PYGL: variants seen among roughly 807,000 people sequenced by gnomAD.
PYGL encodes the protein glycogen phosphorylase L.
PYGL carries 90 observed loss-of-function variants against 100.1 expected under a neutral mutation model. That is an observed-to-expected ratio of 0.90 (90% CI 0.76 to 1.07). PYGL has a LOEUF of 1.07. PYGL is among the 50% of genes least tolerant of loss of function. The pLI, the probability that PYGL is intolerant of heterozygous loss-of-function variation, is 0.00. For synonymous variants in PYGL, 373 were observed against 393.0 expected, an observed-to-expected ratio of 0.95 and a Z score of 0.60; for missense variants, 1,016 against 1,057.6, an observed-to-expected ratio of 0.96 and a Z score of 0.55.
In PYGL at chr14:50,922,875, A is replaced by G. The variant is rs530093491; in HGVS notation, c.660+1094T>C. 2.0e-5 allele frequency among the ~76,000 whole-genome samples: 3 copies of G among 152,144 alleles called. No homozygotes were observed. The South Asian group carries it at 6.2e-4, about 32-fold the overall frequency. On this transcript the variant is annotated intron_variant, in intron 5 of 19. Transcript: ENST00000216392. ...CTTTGTCTTTCATAGGCATCCCCCA[A>G]TATGTCACTTGCACTTCTCATTCTC...
At chr14:50,910,842 T>A (rs2050389079) in intron 16 of PYGL, among the ~76,000 whole-genome samples, 1 of 152,222 alleles carries the variant, frequency 6.6e-6, no homozygotes, top group African/African-American at 2.4e-5. Context: ...GCTAGACATC[T>A]AGCCTCTGAC....
At chr14:50,929,186 A>T (rs2050581433) in intron 4 of PYGL, among the ~76,000 whole-genome samples, 1 of 152,092 alleles carries the variant, frequency 6.6e-6, no homozygotes, top group South Asian at 2.1e-4. Context: ...AGTAGCTGGG[A>T]TTACATGCAC....
chr14:50,937,737 T>C lies in PYGL; in HGVS notation c.344A>G (p.Gln115Arg), dbSNP rs2050666856. 2 of 1,609,632 alleles carry C rather than the reference T, an allele frequency of 1.2e-6. No homozygotes were observed. Among genetic ancestry groups the C allele is most frequent in the East Asian group, 4.5e-5 (2 of 44,858 alleles). ...LQNACDEAIY[Q>R]LGLDIEELEE... ...GAGAGAAATCTAGGAACAATGTACCTGGTAAATGGCCTCATCACAGGCATT... is the reference window on the plus strand; with the variant it reads ...GAGAGAAATCTAGGAACAATGTACCCGGTAAATGGCCTCATCACAGGCATT... The change falls in exon 2 of 20, where the codon CAG becomes CGG. Residue 115 changes from glutamine to arginine, a missense_variant and splice_region_variant. Transcript: ENST00000216392.
intron 16 of PYGL, among the ~76,000 whole-genome samples, chr14:50,910,868 G>A (rs1380319952): frequency 6.6e-6 from 1 of 152,188 alleles, no homozygotes; most frequent in African/African-American, 2.4e-5. Flanking sequence ...AGGCTGATTT[G>A]CACGCAAATT....
Position 50,910,022 on chromosome 14 carries a change from G to T in PYGL, c.2050C>A (p.Leu684Ile). 2 of 1,614,152 alleles carry T rather than the reference G, an allele frequency of 1.2e-6. No individual in the cohort carries two copies. The highest frequency in any genetic ancestry group is 1.7e-6 in the Non-Finnish European group (2 of 1,179,998). The change falls in exon 17 of 20, where the codon CTA (leucine) becomes ATA (isoleucine). Residue 684 changes from leucine (L) to isoleucine (I), a missense_variant. Transcript: ENST00000216392. ...ASGTGNMKFMLNGALTIGTMD... is the reference protein window; with the variant it reads ...ASGTGNMKFMINGALTIGTMD... ...GTCCCGATAGTTAGGGCCCCATTTA[G>T]CATGAACTTCATATTGCCTGTCCCC...
rs1308256183 is a variant in PYGL at position 50,916,942 on chromosome 14, T to A, written c.999+20A>T. The A allele has an allele frequency of 6.2e-7, 1 of 1,613,378 alleles. No homozygotes were observed. Among genetic ancestry groups the A allele is most frequent in the African/African-American group, 1.3e-5 (1 of 75,012 alleles). On this transcript the variant is annotated intron_variant, in intron 8 of 19. Coordinates refer to ENST00000216392, the MANE Select transcript of PYGL (RefSeq NM_002863.5). The stretch of plus-strand genomic sequence containing the variant: ...AATCCCTCAGTGGACCCTAACTGCA[T>A]CCACAGACTAAATACTTGCCTGATC...
At chr14:50,913,857 C>G (rs1194182930) in intron 12 of PYGL, among the ~76,000 whole-genome samples, 1 of 151,732 alleles carries the variant, frequency 6.6e-6, no homozygotes, top group East Asian at 1.9e-4. Context: ...CCTGGCTAAT[C>G]TTTTTATTTT....
chr14:50,928,803 G>T (rs2139188087), intron 4 of PYGL, among the ~76,000 whole-genome samples: 1 of 152,192 alleles, frequency 6.6e-6, no homozygotes, highest in Non-Finnish European at 1.5e-5. Context: ...TGTTGAGTGG[G>T]GGCATGACTA....
At chr14:50,917,253 T>C in intron 7 of PYGL, 148 bp from the exon 8 acceptor site, 1 of 889,152 alleles carries the variant, frequency 1.1e-6, no homozygotes, top group Non-Finnish European at 1.8e-6. Flanking sequence ...CTGTGAGCCT[T>C]TGCTCTTTCC....
chr14:50,917,670 AACC>A (rs144951156), intron 7 of PYGL, among the ~76,000 whole-genome samples: 7,532 of 152,280 alleles, frequency 0.049, 334 homozygotes, highest in Admixed American at 0.11. Context: ...CCGTGTGGAG[AACC>A]ACAACTAGCT....
At chr14:50,916,191 C>G (rs755294018) in intron 9 of PYGL, among the ~76,000 whole-genome samples, 1 of 152,222 alleles carries the variant, frequency 6.6e-6, no homozygotes, top group Non-Finnish European at 1.5e-5. Context: ...AAACTTAAGA[C>G]AGCATTCTGA....
At chr14:50,931,095 T>TA (rs918342808) in intron 4 of PYGL, among the ~76,000 whole-genome samples, 6 of 151,716 alleles carry the variant, frequency 4.0e-5, no homozygotes, top group African/African-American at 1.5e-4. Context: ...TTTCATCTTA[T>TA]AAAAAAATCA....
chr14:50,938,274 A>C (rs2050673094), intron 1 of PYGL, among the ~76,000 whole-genome samples: 3 of 152,220 alleles, frequency 2.0e-5, no homozygotes, highest in Admixed American at 2.0e-4. Flanking sequence ...GCAATGGTCC[A>C]ATATCAGCTC....
intron 19 of PYGL, 59 bp downstream of exon 19, chr14:50,908,212 C>G: frequency 7.2e-7 from 1 of 1,395,308 alleles, no homozygotes; most frequent in African/African-American, 1.4e-5. Context: ...TTAAAAAACC[C>G]ACATTTTAAT....
At chr14:50,923,877 C>A in intron 5 of PYGL, 92 bp downstream of exon 5, 1 of 1,444,124 alleles carries the variant, frequency 6.9e-7, no homozygotes, top group Admixed American at 1.7e-5. Context: ...ATGCCCTATA[C>A]TCAATATCAC....
At chr14:50,910,219 G>A in intron 16 of PYGL, 117 bp from the exon 17 acceptor site, 1 of 1,083,652 alleles carries the variant, frequency 9.2e-7, no homozygotes, top group South Asian at 1.3e-5. Context: ...TGCACATTAA[G>A]ATAAACATTC....
Position 50,916,665 on chromosome 14 carries a change from T to C in PYGL, c.1069A>G (p.Ile357Val). 1 of 1,614,042 alleles carries C rather than the reference T, an allele frequency of 6.2e-7. No individual in the cohort carries two copies. Among genetic ancestry groups the C allele is most frequent in the East Asian group, 2.2e-5 (1 of 44,890 alleles). The change falls in exon 9 of 20, where the codon ATT (isoleucine) becomes GTT (valine). Residue 357 changes from isoleucine (I) to valine (V), a missense_variant. Physicochemically the swap from Ile to Val is conservative, Grantham distance 29 (BLOSUM62 3). Transcript: ENST00000216392. ...ACCTTGGACCAGGGCAGTTTTTCAA[T>C]ATCCACAAAAATCCTCATCAGCTCA... ...IPELMRIFVD[I>V]EKLPWSKAWE... is the part of the protein sequence containing the mutation.
At position 50,905,234 on chromosome 14, in the gene PYGL, C is replaced by T. The variant is rs1292334862; in HGVS notation, c.*158G>A. The stretch of plus-strand genomic sequence containing the variant: ...CACTCATGTAGCCCTTGGAAATTGA[C>T]ACTTTATTTTTAAGCTCTATTACAT... On this transcript the variant is annotated 3_prime_UTR_variant, in exon 20 of 20. Coordinates refer to ENST00000216392, the MANE Select transcript of PYGL (RefSeq NM_002863.5). 5 of 747,800 alleles carry T rather than the reference C, an allele frequency of 6.7e-6. No individual in the cohort carries two copies. Among genetic ancestry groups the T allele is most frequent in the Non-Finnish European group, 1.1e-5 (5 of 464,026 alleles). 46.3% of individuals were successfully genotyped at this position (747,800 alleles called of 1,614,324 possible). A position where few individuals can be genotyped will look rare whatever the true frequency, so the allele number is the denominator to read the frequency against.
intron 1 of PYGL, among the ~76,000 whole-genome samples, chr14:50,938,642 G>A (rs150726755): frequency 1.6e-3 from 241 of 152,328 alleles, no homozygotes; most frequent in African/African-American, 5.4e-3. Context: ...CTATAGAGAT[G>A]TATGAAGGAC....
Sources: gnomAD v4.1 joint callset for allele counts (sites outside exome capture counted in the v4.1 genomes callset) on GRCh38, gnomAD v4.1.1 for gene constraint, MANE v1.5 for transcripts, NCBI Gene and HGNC (gene_info 2026-07-23, HGNC 2026-07-21) for gene names.